GRM7: variants seen among roughly 807,000 people sequenced by gnomAD.
GRM7 encodes the protein metabotropic glutamate receptor 7.
GRM7 carries 35 observed loss-of-function variants against 84.5 expected under a neutral mutation model. That is an observed-to-expected ratio of 0.41 (90% confidence interval 0.32 to 0.55). GRM7 has a LOEUF of 0.55. Among genes scored for constraint, GRM7 ranks in the 20% least tolerant of loss-of-function variants. The pLI is 0.19. For missense variants in GRM7, 1,003 were observed against 1,194.6 expected (o/e 0.84, Z 2.36); for synonymous variants, 487 against 455.1 (o/e 1.07, Z -0.89).
intron 2 of GRM7, among the ~76,000 whole-genome samples, chr3:7,255,441 G>A (rs1007470753): frequency 6.6e-6 from 1 of 152,154 alleles, no homozygotes; most frequent in Admixed American, 6.5e-5. Flanking sequence ...CATAAAGTAA[G>A]GAATGAGCAC....
At chr3:7,107,847 G>A (rs1245349785) in intron 1 of GRM7, among the ~76,000 whole-genome samples, 1 of 152,026 alleles carries the variant, frequency 6.6e-6, no homozygotes, top group African/African-American at 2.4e-5. Flanking sequence ...AAGTTACTTG[G>A]CCTTTTAGTA....
intron 4 of GRM7, among the ~76,000 whole-genome samples, chr3:7,314,708 A>G (rs1443211918): frequency 6.6e-6 from 1 of 152,012 alleles, no homozygotes; most frequent in Non-Finnish European, 1.5e-5. Context: ...GCTCTTTGAG[A>G]TATTTAAGAT....
chr3:6,953,509 C>G (rs1692884711), intron 1 of GRM7, among the ~76,000 whole-genome samples: 2 of 152,316 alleles, frequency 1.3e-5, no homozygotes, highest in African/African-American at 4.8e-5. Flanking sequence ...ATTTTTCCCC[C>G]CATGCCTCCA....
intron 5 of GRM7, 143 bp from the exon 6 acceptor site, chr3:7,452,464 T>C: frequency 1.6e-6 from 1 of 644,218 alleles, no homozygotes. Context: ...GGTAGGCAAA[T>C]GTGGCTTGAA....
chr3:7,276,785 T>TCCCTCCCTCCCTCCCTCCTC (rs1699077356), intron 2 of GRM7, among the ~76,000 whole-genome samples: 13 of 62,756 alleles, frequency 2.1e-4, no homozygotes, highest in South Asian at 9.8e-4. Context: ...CTTCCTTCCT[T>TCCCTCCCTCCCTCCCTCCTC]CCTTCCTTCC....
chr3:7,579,742 G>T (rs1191726700), intron 8 of GRM7, among the ~76,000 whole-genome samples: 1 of 152,166 alleles, frequency 6.6e-6, no homozygotes, highest in East Asian at 1.9e-4. Context: ...CCAGGTGGGA[G>T]TGTGTGATGG....
intron 1 of GRM7, among the ~76,000 whole-genome samples, chr3:7,014,925 G>T (rs1695505966): frequency 1.3e-5 from 2 of 152,150 alleles, no homozygotes; most frequent in Admixed American, 6.5e-5. Flanking sequence ...AAAACGCACT[G>T]ATCAGTGCTC....
chr3:6,861,158 C>A lies in GRM7; in HGVS notation c.-231C>A. ...AGAGCGAGCAGCAAGCCGGTGAGCG[C>A]GAGCGCGGCGCGCCGGCCGGCTAAC... On this transcript the variant is annotated 5_prime_UTR_variant, in exon 1 of 10. Transcript: ENST00000357716. This position sits in a 1 kb window ranked among gnomAD's most constrained non-coding sequence, Gnocchi z 6.4. The A allele has an allele frequency of 2.3e-6, 1 of 435,540 alleles. No homozygotes were observed. Among genetic ancestry groups the A allele is most frequent in the East Asian group, 3.8e-5 (1 of 26,530 alleles). The allele number at this position is 435,540 out of a possible 1,614,324, so 27.0% of individuals were successfully genotyped here.
chr3:6,925,884 G>A (rs992368023), intron 1 of GRM7, among the ~76,000 whole-genome samples: 2 of 152,004 alleles, frequency 1.3e-5, no homozygotes, highest in Non-Finnish European at 2.9e-5. Context: ...TCTTCTCTTC[G>A]GGTCAAATAT....
intron 4 of GRM7, among the ~76,000 whole-genome samples, chr3:7,399,474 A>G (rs956932791): frequency 2.0e-5 from 3 of 152,094 alleles, no homozygotes; most frequent in Admixed American, 2.0e-4. Context: ...TAATGAGCAA[A>G]TGACCCCTGC....
At chr3:7,489,459 C>T (rs950407241) in intron 7 of GRM7, among the ~76,000 whole-genome samples, 2 of 152,150 alleles carry the variant, frequency 1.3e-5, no homozygotes, top group African/African-American at 2.4e-5. Flanking sequence ...TAATAGGAGG[C>T]AGTGTTAGGA....
chr3:7,231,896 T>C (rs781192640), intron 2 of GRM7, among the ~76,000 whole-genome samples: 1 of 152,186 alleles, frequency 6.6e-6, no homozygotes, highest in Non-Finnish European at 1.5e-5. Flanking sequence ...TTGGGCACTA[T>C]GCTAGGTGCT....
intron 1 of GRM7, among the ~76,000 whole-genome samples, chr3:6,974,214 C>T (rs751886465): frequency 5.3e-5 from 8 of 152,074 alleles, no homozygotes; most frequent in East Asian, 1.9e-4. Flanking sequence ...TGGAAAAAGC[C>T]GAAATGTGTA....
chr3:6,931,019 C>G (rs1403101985), intron 1 of GRM7, among the ~76,000 whole-genome samples: 1 of 152,200 alleles, frequency 6.6e-6, no homozygotes, highest in Non-Finnish European at 1.5e-5. Flanking sequence ...ATAATCGCTT[C>G]TATCAATTCT....
Position 7,207,755 on chromosome 3 carries a change from A to G in GRM7, c.736+61087A>G, listed in dbSNP as rs1696286610. On this transcript the variant is annotated intron_variant, in intron 2 of 9. Transcript: ENST00000357716. Reference sequence around the variant, plus strand: ...ATAAGAAACAGTAGAACAATAGTAGATATATCAGATTTTTAAAACACTACT... The same window carrying G: ...ATAAGAAACAGTAGAACAATAGTAGGTATATCAGATTTTTAAAACACTACT... Among the ~76,000 whole-genome samples, 3 of 152,188 alleles carry G rather than the reference A, an allele frequency of 2.0e-5. No individual in the cohort carries two copies. In the South Asian group the frequency reaches 6.2e-4, roughly 32 times the overall value.
intron 1 of GRM7, among the ~76,000 whole-genome samples, chr3:6,985,775 G>T (rs1366854445): frequency 6.6e-6 from 1 of 152,130 alleles, no homozygotes; most frequent in African/African-American, 2.4e-5. Flanking sequence ...ACAAAAACGT[G>T]TTATTAAATC....
chr3:7,121,811 G>A (rs1263133472), intron 1 of GRM7, among the ~76,000 whole-genome samples: 1 of 152,136 alleles, frequency 6.6e-6, no homozygotes, highest in African/African-American at 2.4e-5. Context: ...CCATGTGTTG[G>A]AAACTTAATC....
At chr3:7,434,425 T>C (rs1228931573) in intron 5 of GRM7, among the ~76,000 whole-genome samples, 1 of 152,196 alleles carries the variant, frequency 6.6e-6, no homozygotes, top group Non-Finnish European at 1.5e-5. Flanking sequence ...GTAGAGATTT[T>C]GCAAATGTTT....
chr3:7,474,729 A>G (rs1036548339), intron 7 of GRM7, among the ~76,000 whole-genome samples: 6 of 152,126 alleles, frequency 3.9e-5, no homozygotes, highest in Non-Finnish European at 7.4e-5. Flanking sequence ...TTCACATATA[A>G]TTTTGAATGT....
Sources: allele counts gnomAD v4.1 joint callset (sites outside exome capture counted in the v4.1 genomes callset), GRCh38; gene constraint gnomAD v4.1.1; non-coding constraint Gnocchi (gnomAD v3.1); transcripts MANE v1.5; gene names NCBI Gene and HGNC (gene_info 2026-07-23, HGNC 2026-07-21).